CLEC16A: variants seen among roughly 807,000 people sequenced by gnomAD.
CLEC16A encodes protein CLEC16A.
Under a neutral mutation model 109.5 loss-of-function variants are expected in CLEC16A, and 51 were observed. That is an observed-to-expected ratio of 0.47 (90% CI 0.37 to 0.59). The LOEUF (loss-of-function observed/expected upper bound fraction) is 0.59, where lower values mean the gene tolerates loss of function less well. Ranked by LOEUF, CLEC16A falls within the 20% of genes least tolerant of loss-of-function variation. The pLI is 0.00. For synonymous variants in CLEC16A, 673 were observed against 564.2 expected (o/e 1.19, Z -2.73); for missense variants, 1,339 against 1,394.0 (o/e 0.96, Z 0.63).
chr16:11,047,276 C>A lies in CLEC16A; in HGVS notation c.1816-16C>A, dbSNP rs1228755736. 1.9e-6 allele frequency: 3 copies of A among 1,603,580 alleles called. No individual in the cohort carries two copies. Among genetic ancestry groups the A allele is most frequent in the African/African-American group, 1.3e-5 (1 of 74,548 alleles). ...ATATGAATAATCTCCTCTTCCCTCC[C>A]TTCCTTTCTTTTTAGGGAGAAGACA... On this transcript the variant is annotated splice_polypyrimidine_tract_variant and intron_variant, in intron 16 of 23. Coordinates refer to ENST00000409790, the MANE Select transcript of CLEC16A (RefSeq NM_015226.3).
chr16:10,957,759 T>A (rs1325906163), intron 1 of CLEC16A, 23 bp from the exon 2 acceptor site: 1 of 1,613,416 alleles, frequency 6.2e-7, no homozygotes, highest in East Asian at 2.2e-5. Flanking sequence ...ACCTTTAATT[T>A]CCTTTTCTCT....
intron 19 of CLEC16A, among the ~76,000 whole-genome samples, chr16:11,074,126 G>C (rs2049219287): frequency 6.6e-6 from 1 of 151,674 alleles, no homozygotes. Flanking sequence ...ACCTCTCTAA[G>C]GGCTAAAATG....
chr16:11,064,017 C>T (rs1044013328), intron 19 of CLEC16A, among the ~76,000 whole-genome samples: 1 of 151,712 alleles, frequency 6.6e-6, no homozygotes, highest in African/African-American at 2.4e-5. Flanking sequence ...AGGGGAGGAA[C>T]TAGATAAAAC....
intron 18 of CLEC16A, among the ~76,000 whole-genome samples, chr16:11,054,239 T>C (rs1378598558): frequency 6.6e-6 from 1 of 152,126 alleles, no homozygotes; most frequent in African/African-American, 2.4e-5. Context: ...AGGCGAGAGA[T>C]GGGAGAAATG....
intron 19 of CLEC16A, among the ~76,000 whole-genome samples, chr16:11,088,407 C>T (rs539437132): frequency 5.9e-5 from 9 of 152,308 alleles, no homozygotes; most frequent in Admixed American, 2.6e-4. Context: ...CTGATGCTTC[C>T]GGGCCATTAT....
chr16:11,013,040 C>T (rs1035023106), intron 11 of CLEC16A, among the ~76,000 whole-genome samples: 1 of 152,158 alleles, frequency 6.6e-6, no homozygotes, highest in Non-Finnish European at 1.5e-5. Context: ...TCAGACTGCG[C>T]CTGTGTGGAC....
chr16:10,993,784 G>A lies in CLEC16A; in HGVS notation c.1072-9290G>A, dbSNP rs1017053626. ...ATGCCTCATTTTGTGTGATTGAAGA[G>A]GCCTGTTCAATGCTCGTGATGATCT... On this transcript the variant is annotated intron_variant, in intron 10 of 23. Coordinates refer to ENST00000409790, the MANE Select transcript of CLEC16A (RefSeq NM_015226.3). Among the ~76,000 whole-genome samples, 7 of 152,306 alleles carry A rather than the reference G, an allele frequency of 4.6e-5. No individual in the cohort carries two copies. The East Asian group carries it at 1.3e-3, about 29-fold the overall frequency.
chr16:10,959,572 AG>A (rs35472985), intron 2 of CLEC16A, among the ~76,000 whole-genome samples: 25,047 of 151,988 alleles, frequency 0.16, 2,609 homozygotes, highest in Middle Eastern at 0.24. Flanking sequence ...TTGTATTTTT[AG>A]TAGAGATGGT....
chr16:11,121,869 G>A (rs1459693201), intron 20 of CLEC16A, among the ~76,000 whole-genome samples: 1 of 106,712 alleles, frequency 9.4e-6, no homozygotes, highest in African/African-American at 3.7e-5. Context: ...GGCAGAGTGA[G>A]ACCCTGTCTC....
At chr16:11,016,607 A>T (rs1233074514) in intron 11 of CLEC16A, among the ~76,000 whole-genome samples, 1 of 152,108 alleles carries the variant, frequency 6.6e-6, no homozygotes, top group East Asian at 1.9e-4. Flanking sequence ...AAATGCTAGG[A>T]TTACAGGCAT....
chr16:11,030,794 G>T (rs1355648834), intron 13 of CLEC16A, among the ~76,000 whole-genome samples: 1 of 152,098 alleles, frequency 6.6e-6, no homozygotes, highest in Non-Finnish European at 1.5e-5. Flanking sequence ...ACAGGTGTGC[G>T]CCACCACGCC....
chr16:11,115,406 C>G (rs184859367), intron 19 of CLEC16A, among the ~76,000 whole-genome samples: 1 of 152,312 alleles, frequency 6.6e-6, no homozygotes, highest in African/African-American at 2.4e-5. Flanking sequence ...GCTCATCACT[C>G]TGTCACCCAG....
intron 19 of CLEC16A, among the ~76,000 whole-genome samples, chr16:11,065,736 G>A (rs117813032): frequency 3.1e-4 from 47 of 152,310 alleles, no homozygotes; most frequent in Non-Finnish European, 6.0e-4. Flanking sequence ...GTGCCAGGAG[G>A]GACCAGAAGC....
chr16:10,948,185 A>T (rs142749194), intron 1 of CLEC16A, among the ~76,000 whole-genome samples: 1 of 152,116 alleles, frequency 6.6e-6, no homozygotes, highest in African/African-American at 2.4e-5. Context: ...GAGCCACTGC[A>T]CCCGGCCTAG....
At chr16:11,049,629 G>A (rs1164824591) in intron 17 of CLEC16A, among the ~76,000 whole-genome samples, 1 of 152,244 alleles carries the variant, frequency 6.6e-6, no homozygotes, top group Non-Finnish European at 1.5e-5. Context: ...CTTCTGAGTG[G>A]AAGGGGGTGG....
chr16:11,084,940 G>A (rs2049929324), intron 19 of CLEC16A, among the ~76,000 whole-genome samples: 1 of 152,232 alleles, frequency 6.6e-6, no homozygotes, highest in African/African-American at 2.4e-5. Flanking sequence ...GCTGCACGCA[G>A]GCTGGAATAA....
At chr16:11,016,335 C>CT (rs1370420547) in intron 11 of CLEC16A, among the ~76,000 whole-genome samples, 6 of 134,480 alleles carry the variant, frequency 4.5e-5, no homozygotes, top group Non-Finnish European at 7.7e-5. Flanking sequence ...CGTTCGAACT[C>CT]TTTTTTTTCT....
At chr16:11,041,193 A>G (rs1325823166) in intron 14 of CLEC16A, 1 of 152,220 alleles carries the variant, frequency 6.6e-6, no homozygotes, top group Non-Finnish European at 1.5e-5. Context: ...CACTTTTCTA[A>G]GCCTCAATCT....
chr16:11,042,137 G>A (rs1457918674), intron 14 of CLEC16A, 117 bp from the exon 15 acceptor site: 4 of 680,654 alleles, frequency 5.9e-6, no homozygotes, highest in Non-Finnish European at 1.0e-5. Flanking sequence ...GATGTTGGGA[G>A]CCATGAGCAG....
Sources: gnomAD v4.1 joint callset for allele counts (sites outside exome capture counted in the v4.1 genomes callset) on GRCh38, gnomAD v4.1.1 for gene constraint, MANE v1.5 for transcripts, NCBI Gene and HGNC (gene_info 2026-07-23, HGNC 2026-07-21) for gene names.